Variants in MYO6 observed in about 807,000 individuals in gnomAD.
The protein encoded by MYO6 is unconventional myosin-VI.
In MYO6, 74 loss-of-function variants were observed where a neutral mutation model predicts 178.7. That is an observed-to-expected ratio of 0.41 (90% CI 0.34 to 0.50). The LOEUF (loss-of-function observed/expected upper bound fraction) is 0.50, where lower values mean the gene tolerates loss of function less well. Ranked by LOEUF, MYO6 falls within the 20% of genes least tolerant of loss-of-function variation. The pLI is 0.09. For synonymous variants in MYO6, 477 were observed against 504.6 expected (o/e 0.95, Z 0.73); for missense variants, 1,330 against 1,547.4 (o/e 0.86, Z 2.36).
chr6:75,906,504 C>T (rs1780335836), intron 30 of MYO6, among the ~76,000 whole-genome samples: 9 of 151,852 alleles, frequency 5.9e-5, no homozygotes, highest in Admixed American at 5.9e-4. Context: ...GGCAAGACCC[C>T]ATCTCTACAA....
chr6:75,757,735 G>C (rs746714424), intron 1 of MYO6, among the ~76,000 whole-genome samples: 1 of 151,826 alleles, frequency 6.6e-6, no homozygotes, highest in Non-Finnish European at 1.5e-5. Flanking sequence ...ATTTCTCTAG[G>C]CTTCAGTTTT....
At chr6:75,785,983 C>T (rs1370657255) in intron 1 of MYO6, among the ~76,000 whole-genome samples, 4 of 151,652 alleles carry the variant, frequency 2.6e-5, no homozygotes, top group African/African-American at 2.4e-5. Flanking sequence ...TGGTGCGATC[C>T]TGGCTCACTG....
chr6:75,889,923 TA>T, intron 25 of MYO6, 133 bp from the exon 26 acceptor site: 1 of 748,302 alleles, frequency 1.3e-6, no homozygotes, highest in Non-Finnish European at 2.2e-6. Flanking sequence ...TTTTAAATTG[TA>T]AAAAACAATA....
In MYO6 at chr6:75,918,561, C is replaced by T. The variant is rs1414053280; in HGVS notation, c.*3549C>T. ...AGCACATAGGAATGGCACTGCCATA[C>T]TGGAGAAGGTCAGCAGTAAATAGGC... is the stretch of plus-strand genomic sequence containing the variant. On this transcript the variant is annotated 3_prime_UTR_variant, in exon 35 of 35. Transcript: ENST00000369977. 1 of 152,210 alleles carries T rather than the reference C, an allele frequency of 6.6e-6. No homozygotes were observed. The highest frequency in any genetic ancestry group is 6.5e-5 in the Admixed American group (1 of 15,278). The allele number at this position is 152,210 out of a possible 1,614,324, so 9.4% of individuals were successfully genotyped here. A position where few individuals can be genotyped will look rare whatever the true frequency, so the allele number is the denominator to read the frequency against.
intron 16 of MYO6, among the ~76,000 whole-genome samples, chr6:75,864,781 T>C (rs1776509404): frequency 6.6e-6 from 1 of 152,244 alleles, no homozygotes. Flanking sequence ...ATTCCTTTTG[T>C]TGTATTTTTT....
Position 75,908,511 on chromosome 6 carries a change from C to A in MYO6, c.3296C>A (p.Ala1099Glu), listed in dbSNP as rs776057057. The A allele has an allele frequency of 6.2e-7, 1 of 1,612,874 alleles. No individual in the cohort carries two copies. Among genetic ancestry groups the A allele is most frequent in the Non-Finnish European group, 8.5e-7 (1 of 1,179,542 alleles). Reference protein sequence around the residue: ...INTSCDIELLAACREEFHRRL... With the variant: ...INTSCDIELLEACREEFHRRL... ...TAATCAATAGATATTGAGCTCCTGG[C>A]AGCTTGCAGAGAAGAATTTCATAGG... is the stretch of plus-strand genomic sequence containing the variant. The change falls in exon 32 of 35, where the codon GCA becomes GAA. Residue 1099 changes from alanine to glutamate, a missense_variant. Physicochemically the swap from Ala to Glu is moderately radical, Grantham distance 107. Transcript: ENST00000369977.
chr6:75,804,418 C>T (rs914998155), intron 1 of MYO6, among the ~76,000 whole-genome samples: 2 of 152,130 alleles, frequency 1.3e-5, no homozygotes, highest in African/African-American at 2.4e-5. Context: ...GTGCACATAA[C>T]ATTGTTTTGA....
At chr6:75,874,810 C>T (rs1165923345) in intron 20 of MYO6, among the ~76,000 whole-genome samples, 1 of 152,188 alleles carries the variant, frequency 6.6e-6, no homozygotes, top group African/African-American at 2.4e-5. Flanking sequence ...GTTGCTTTTT[C>T]AGTTTCATGC....
chr6:75,775,209 A>C (rs1766262433), intron 1 of MYO6, among the ~76,000 whole-genome samples: 1 of 152,130 alleles, frequency 6.6e-6, no homozygotes, highest in African/African-American at 2.4e-5. Flanking sequence ...TCTCTCCATT[A>C]AGTATAATCC....
At chr6:75,819,140 C>T (rs185211727) in intron 2 of MYO6, among the ~76,000 whole-genome samples, 23 of 152,176 alleles carry the variant, frequency 1.5e-4, no homozygotes, top group African/African-American at 5.5e-4. Context: ...ATATGTAGAA[C>T]CAATAAAAAC....
chr6:75,849,026 G>T (rs551464085), intron 11 of MYO6, among the ~76,000 whole-genome samples: 1 of 152,180 alleles, frequency 6.6e-6, no homozygotes, highest in East Asian at 1.9e-4. Context: ...TAAATACATG[G>T]CAAAAGCAAC....
chr6:75,913,321 G>C (rs988353433), intron 33 of MYO6, among the ~76,000 whole-genome samples: 1 of 152,172 alleles, frequency 6.6e-6, no homozygotes, highest in African/African-American at 2.4e-5. Flanking sequence ...CCCAGTACTA[G>C]TAGAAAAGCA....
At chr6:75,803,932 C>T (rs186373924) in intron 1 of MYO6, among the ~76,000 whole-genome samples, 51 of 152,262 alleles carry the variant, frequency 3.3e-4, no homozygotes, top group Admixed American at 5.9e-4. Context: ...CTTGCTCTGT[C>T]ACCCAGGCTG....
chr6:75,769,728 G>A (rs531105769), intron 1 of MYO6, among the ~76,000 whole-genome samples: 1 of 152,128 alleles, frequency 6.6e-6, no homozygotes, highest in African/African-American at 2.4e-5. Context: ...GGTGAAACCC[G>A]TCTCTACTAA....
intron 1 of MYO6, among the ~76,000 whole-genome samples, chr6:75,778,222 T>C (rs1197156161): frequency 6.6e-6 from 1 of 152,194 alleles, no homozygotes; most frequent in Admixed American, 6.5e-5. Context: ...GTCAACAGTT[T>C]TGTTTAATTG....
intron 32 of MYO6, among the ~76,000 whole-genome samples, chr6:75,909,349 T>A (rs2149420476): frequency 6.6e-6 from 1 of 152,354 alleles, no homozygotes; most frequent in Non-Finnish European, 1.5e-5. Context: ...ATTCATGCAT[T>A]GTCCATTTAC....
chr6:75,786,914 T>G (rs1337701790), intron 1 of MYO6, among the ~76,000 whole-genome samples: 1 of 152,254 alleles, frequency 6.6e-6, no homozygotes, highest in African/African-American at 2.4e-5. Flanking sequence ...TACTATACTT[T>G]AAAATCTGCA....
rs1445838853 is a variant in MYO6, at chr6:75,872,061, G to A, written c.1984-1146G>A. On this transcript the variant is annotated intron_variant, in intron 19 of 34. Coordinates refer to ENST00000369977, the MANE Select transcript of MYO6 (RefSeq NM_004999.4). The stretch of plus-strand genomic sequence containing the variant: ...GAAGAATCACTTGAACCCAGGAGGC[G>A]GAGGTTGCAGTGAGCCAAGATCACG... 4.6e-5 allele frequency among the ~76,000 whole-genome samples: 7 copies of A among 151,954 alleles called. No homozygotes were observed. The South Asian group carries it at 6.2e-4, about 14-fold the overall frequency.
chr6:75,879,668 A>G, intron 20 of MYO6, 152 bp from the exon 21 acceptor site: 1 of 1,036,926 alleles, frequency 9.6e-7, no homozygotes, highest in South Asian at 1.4e-5. Flanking sequence ...GGACATAATG[A>G]GCATAAATAT....
Sources: allele counts gnomAD v4.1 joint callset (sites outside exome capture counted in the v4.1 genomes callset), GRCh38; gene constraint gnomAD v4.1.1; transcripts MANE v1.5; gene names NCBI Gene and HGNC (gene_info 2026-07-23, HGNC 2026-07-21).